MPPED2: variants seen among roughly 807,000 people sequenced by gnomAD.
MPPED2 encodes the protein metallophosphoesterase domain containing 2.
MPPED2 carries 5 observed loss-of-function variants against 33.0 expected under a neutral mutation model. The observed-to-expected ratio is 0.15, with a 90% CI of 0.08 to 0.32. The LOEUF is 0.32. MPPED2 is among the 10% of genes least tolerant of loss of function. MPPED2 has a pLI of 1.00. For missense variants in MPPED2, 275 were observed against 372.1 expected (o/e 0.74, Z 2.15); for synonymous variants, 136 against 141.9 (o/e 0.96, Z 0.29).
intron 3 of MPPED2, among the ~76,000 whole-genome samples, chr11:30,526,970 G>A (rs1246961028): frequency 8.0e-6 from 1 of 124,844 alleles, no homozygotes; most frequent in Non-Finnish European, 1.7e-5. Flanking sequence ...AGTGGCCCAG[G>A]CTAGAGTGCA....
chr11:30,386,964 C>A (rs1034373804), exon 7 of MPPED2: 8 of 390,444 alleles, frequency 2.0e-5, no homozygotes, highest in African/African-American at 1.4e-4. Flanking sequence ...GCAAAGTAAG[C>A]AATACAATCC....
chr11:30,562,136 C>A (rs1286777299), intron 2 of MPPED2, among the ~76,000 whole-genome samples: 6 of 152,146 alleles, frequency 3.9e-5, no homozygotes, highest in Non-Finnish European at 8.8e-5. Context: ...CAGAAACCAC[C>A]TAACTTGTTT....
intron 4 of MPPED2, among the ~76,000 whole-genome samples, chr11:30,429,800 TTTTCCCCAAGAAGC>T (rs1278131146): frequency 6.6e-6 from 1 of 152,156 alleles, no homozygotes; most frequent in African/African-American, 2.4e-5. Context: ...CATAATTAGA[TTTTCCCCAAGAAGC>T]TTTCCCCAAT....
intron 4 of MPPED2, among the ~76,000 whole-genome samples, chr11:30,470,534 C>T (rs1950904389): frequency 6.6e-6 from 1 of 152,114 alleles, no homozygotes. Flanking sequence ...GTGGTAATGA[C>T]TGCCTAACTC....
chr11:30,564,087 A>G (rs185943616), intron 2 of MPPED2, among the ~76,000 whole-genome samples: 1 of 152,230 alleles, frequency 6.6e-6, no homozygotes, highest in Non-Finnish European at 1.5e-5. Context: ...TCTTGCTACT[A>G]TGTCTTAACC....
chr11:30,458,433 T>C (rs1036250402), intron 4 of MPPED2, among the ~76,000 whole-genome samples: 1 of 152,200 alleles, frequency 6.6e-6, no homozygotes. Context: ...AGAATGCACT[T>C]GAAATCCAAC....
chr11:30,497,452 C>T (rs925866479), intron 3 of MPPED2, among the ~76,000 whole-genome samples: 12 of 152,146 alleles, frequency 7.9e-5, no homozygotes, highest in African/African-American at 2.9e-4. Flanking sequence ...CAAGGCCGGT[C>T]CTTACTGTGT....
intron 5 of MPPED2, among the ~76,000 whole-genome samples, chr11:30,415,250 C>T (rs1357717115): frequency 7.2e-5 from 11 of 152,144 alleles, no homozygotes; most frequent in South Asian, 4.1e-4. Flanking sequence ...AAGACATATT[C>T]GCTGGGGTTT....
intron 4 of MPPED2, among the ~76,000 whole-genome samples, chr11:30,429,485 G>C (rs1213679209): frequency 9.2e-5 from 14 of 152,194 alleles, no homozygotes. Flanking sequence ...CACACAATCA[G>C]AGGAATGAGT....
chr11:30,553,445 TG>T, intron 2 of MPPED2, among the ~76,000 whole-genome samples: 1 of 152,338 alleles, frequency 6.6e-6, no homozygotes, highest in Middle Eastern at 3.4e-3. Context: ...AATGGTTGTG[TG>T]GTCTTACAGA....
chr11:30,526,007 T>C (rs1227535081), intron 3 of MPPED2, among the ~76,000 whole-genome samples: 1 of 152,172 alleles, frequency 6.6e-6, no homozygotes, highest in Non-Finnish European at 1.5e-5. Flanking sequence ...TTCATTATTT[T>C]CCCCCAAGTA....
intron 4 of MPPED2, chr11:30,469,056 T>A (rs1471440647): frequency 6.6e-6 from 1 of 152,200 alleles, no homozygotes; most frequent in Non-Finnish European, 1.5e-5. Flanking sequence ...CTATTTTGAA[T>A]GTCTGGTGCA....
At chr11:30,397,755 T>C (rs183694233) in intron 6 of MPPED2, among the ~76,000 whole-genome samples, 5 of 152,280 alleles carry the variant, frequency 3.3e-5, no homozygotes, top group Admixed American at 3.3e-4. Flanking sequence ...ATTTGATCAA[T>C]AAACACCTCA....
intron 6 of MPPED2, among the ~76,000 whole-genome samples, chr11:30,403,468 G>T (rs1947942413): frequency 6.6e-6 from 1 of 152,114 alleles, no homozygotes. Context: ...CTACAGAATT[G>T]ATTTCAACAA....
chr11:30,460,546 G>T (rs750991310), intron 4 of MPPED2, among the ~76,000 whole-genome samples: 14 of 152,112 alleles, frequency 9.2e-5, no homozygotes, highest in Non-Finnish European at 1.6e-4. Context: ...CTGCTTGATC[G>T]CAGGAGTTCC....
At chr11:30,530,878 C>A (rs1200664971) in intron 3 of MPPED2, among the ~76,000 whole-genome samples, 1 of 152,210 alleles carries the variant, frequency 6.6e-6, no homozygotes, top group Non-Finnish European at 1.5e-5. Flanking sequence ...GCAGGAAGAA[C>A]ACACATGGTA....
intron 5 of MPPED2, among the ~76,000 whole-genome samples, chr11:30,416,716 C>T (rs528306593): frequency 6.6e-6 from 1 of 152,228 alleles, no homozygotes; most frequent in South Asian, 2.1e-4. Context: ...AAAAGTGAAA[C>T]ATCTGAATTT....
chr11:30,449,846 C>T (rs1949974153), intron 4 of MPPED2, among the ~76,000 whole-genome samples: 2 of 152,228 alleles, frequency 1.3e-5, no homozygotes, highest in African/African-American at 4.8e-5. Flanking sequence ...TAAAATTACC[C>T]TTCTCTTCCA....
chr11:30,574,601 G>A (rs1956841732), intron 2 of MPPED2, among the ~76,000 whole-genome samples: 2 of 152,126 alleles, frequency 1.3e-5, no homozygotes, highest in South Asian at 2.1e-4. Context: ...GAGTTATACT[G>A]AACCAATGAA....
Sources: allele counts gnomAD v4.1 joint callset (sites outside exome capture counted in the v4.1 genomes callset), GRCh38; gene constraint gnomAD v4.1.1; transcripts MANE v1.5; gene names NCBI Gene and HGNC (gene_info 2026-07-23, HGNC 2026-07-21).